PPP2R2C: variants seen among roughly 807,000 people sequenced by gnomAD.
PPP2R2C encodes the protein protein phosphatase 2 regulatory subunit Bgamma, also known as protein phosphatase 2, regulatory subunit B, gamma.
In PPP2R2C, 10 loss-of-function variants were observed where a neutral mutation model predicts 45.3. The ratio of observed to expected loss-of-function variants is 0.22; its 90% CI spans 0.14 to 0.37. The LOEUF (loss-of-function observed/expected upper bound fraction) is 0.37. Ranked by LOEUF, PPP2R2C falls within the 10% of genes least tolerant of loss-of-function variation. The pLI, the probability that PPP2R2C is intolerant of heterozygous loss-of-function variation, is 1.00. For synonymous variants in PPP2R2C, 257 were observed against 245.4 expected, an observed-to-expected ratio of 1.05 and a Z score of -0.44; for missense variants, 308 against 619.7, an observed-to-expected ratio of 0.50 and a Z score of 5.34.
rs142061476 is a variant in PPP2R2C at position 6,503,922 on chromosome 4, CA to C, written c.49+31348del. Among the ~76,000 whole-genome samples the C allele has an allele frequency of 6.4e-3, 970 of 152,238 alleles. 6 individuals are homozygous for C. Among genetic ancestry groups the C allele is most frequent in the Non-Finnish European group, 0.011 (720 of 68,016 alleles). On this transcript the variant is annotated intron_variant, in intron 2 of 9. Coordinates refer to the PPP2R2C transcript ENST00000506140. ...CTCTGGACAAAATATAAAAAGTAACCACCTAAGGCACCTAAGGGCAATCAAA... is the reference window on the plus strand; with the variant it reads ...CTCTGGACAAAATATAAAAAGTAACCCCTAAGGCACCTAAGGGCAATCAAA...
intron 1 of PPP2R2C, among the ~76,000 whole-genome samples, chr4:6,448,355 G>A (rs941939967): frequency 1.3e-5 from 2 of 152,090 alleles, no homozygotes; most frequent in Admixed American, 6.5e-5. Flanking sequence ...GAGGTCACAC[G>A]GAGAGGGGTA....
At chr4:6,506,700 C>A (rs1436086720) in intron 2 of PPP2R2C, among the ~76,000 whole-genome samples, 3 of 152,222 alleles carry the variant, frequency 2.0e-5, no homozygotes, top group Non-Finnish European at 4.4e-5. Flanking sequence ...AGTGGTTGGG[C>A]AGACTGACTG....
chr4:6,399,433 T>C (rs560434335), intron 1 of PPP2R2C, among the ~76,000 whole-genome samples: 28 of 152,350 alleles, frequency 1.8e-4, no homozygotes, highest in African/African-American at 6.7e-4. Context: ...TTGGTGCATT[T>C]TTCATCAACT....
At chr4:6,354,885 T>C (rs1024721416) in intron 5 of PPP2R2C, among the ~76,000 whole-genome samples, 3 of 151,814 alleles carry the variant, frequency 2.0e-5, no homozygotes, top group Non-Finnish European at 4.4e-5. Flanking sequence ...ACGGAGGAGG[T>C]GTCCAATCAA....
At chr4:6,543,363 A>G (rs761998600) in intron 1 of PPP2R2C, among the ~76,000 whole-genome samples, 12 of 152,066 alleles carry the variant, frequency 7.9e-5, no homozygotes, top group Non-Finnish European at 1.6e-4. Flanking sequence ...TCTGCCTCCT[A>G]TGGGCCAACC....
Position 6,339,951 on chromosome 4 carries a change from C to T in PPP2R2C, c.791-6220G>A, listed in dbSNP as rs570900266. ...TGGGGGTTATGGATCCCCGAGCACC[C>T]CTGGACACTGGCTTGCTCCTGGGTT... is the stretch of plus-strand genomic sequence containing the variant. On this transcript the variant is annotated intron_variant, in intron 6 of 8. Transcript: ENST00000382599. Among the ~76,000 whole-genome samples, 27 of 152,282 alleles carry T rather than the reference C, an allele frequency of 1.8e-4. No individual in the cohort carries two copies. The East Asian group carries it at 3.7e-3, about 21-fold the overall frequency.
chr4:6,407,865 A>T (rs1210032989), intron 1 of PPP2R2C, among the ~76,000 whole-genome samples: 1 of 152,258 alleles, frequency 6.6e-6, no homozygotes, highest in Non-Finnish European at 1.5e-5. Context: ...ACCACCAGCC[A>T]TGGGTGGCTA....
At chr4:6,440,152 G>A (rs577566655) in intron 1 of PPP2R2C, among the ~76,000 whole-genome samples, 1 of 152,052 alleles carries the variant, frequency 6.6e-6, no homozygotes, top group African/African-American at 2.4e-5. Flanking sequence ...CCTTCACATG[G>A]GTATGACCAT....
chr4:6,410,804 C>T (rs1373155934), intron 1 of PPP2R2C, among the ~76,000 whole-genome samples: 2 of 152,126 alleles, frequency 1.3e-5, no homozygotes, highest in Non-Finnish European at 2.9e-5. Flanking sequence ...TAGATCTTCA[C>T]AACAGCCCTA....
intron 1 of PPP2R2C, among the ~76,000 whole-genome samples, chr4:6,559,395 GCACA>G (rs58400617): frequency 0.064 from 9,310 of 144,772 alleles, 380 homozygotes; most frequent in East Asian, 0.22. Context: ...AAAATACACA[GCACA>G]CACACACACA....
chr4:6,327,943 C>G (rs531455312), intron 8 of PPP2R2C, among the ~76,000 whole-genome samples: 1 of 152,068 alleles, frequency 6.6e-6, no homozygotes, highest in African/African-American at 2.4e-5. Context: ...TTCCAGGGGG[C>G]TCCCTCCTGG....
intron 1 of PPP2R2C, among the ~76,000 whole-genome samples, chr4:6,388,142 C>T (rs1226770039): frequency 6.6e-6 from 1 of 152,188 alleles, no homozygotes; most frequent in East Asian, 1.9e-4. Flanking sequence ...GTCCTTCCCC[C>T]CCTGAGGTGC....
At chr4:6,537,622 C>T (rs1474042123) in intron 1 of PPP2R2C, among the ~76,000 whole-genome samples, 1 of 149,144 alleles carries the variant, frequency 6.7e-6, no homozygotes, top group Non-Finnish European at 1.5e-5. Flanking sequence ...GCCATCTCGG[C>T]TCACTGTAAG....
At position 6,331,274 on chromosome 4, in the gene PPP2R2C, A is replaced by G. The variant is rs1732396775; in HGVS notation, c.961-1921T>C. On this transcript the variant is annotated intron_variant, in intron 7 of 8. Transcript: ENST00000382599. This position sits in a 1 kb window ranked among gnomAD's most constrained non-coding sequence, Gnocchi z 5.9. ...GCTCTGGAGAAAGACTGTCAATCTA[A>G]GGTCCGCTGCTTGCTGGCTCTGTCA... Among the ~76,000 whole-genome samples the G allele has an allele frequency of 6.6e-6, 1 of 152,138 alleles. No individual in the cohort carries two copies. The highest frequency in any genetic ancestry group is 1.5e-5 in the Non-Finnish European group (1 of 68,022).
rs569821607 is a variant in PPP2R2C, at chr4:6,324,385, C to T, written c.1053-792G>A. ...AGGCAAGGTTGTAGTGAGCCAAGAT[C>T]GCGCCACTGCACTCCAGCCTGGGCA... On this transcript the variant is annotated intron_variant, in intron 8 of 8. Coordinates refer to ENST00000382599, the MANE Select transcript of PPP2R2C (RefSeq NM_020416.4). The surrounding 1 kb of genome is among the most constrained non-coding windows in gnomAD (Gnocchi z 4.1). Among the ~76,000 whole-genome samples the T allele has an allele frequency of 3.9e-5, 6 of 152,126 alleles. No individual in the cohort carries two copies. In the South Asian group the frequency reaches 1.2e-3, roughly 32 times the overall value.
intron 2 of PPP2R2C, among the ~76,000 whole-genome samples, chr4:6,485,623 C>A (rs1722505370): frequency 6.6e-6 from 1 of 151,798 alleles, no homozygotes; most frequent in Admixed American, 6.6e-5. Flanking sequence ...AGGAATTTAA[C>A]CATTCCCTCT....
chr4:6,368,206 CG>C lies in PPP2R2C; in HGVS notation c.625+4316del, dbSNP rs1250985080. 6.6e-6 allele frequency among the ~76,000 whole-genome samples: 1 copy of C among 152,190 alleles called. No individual in the cohort carries two copies. The highest frequency in any genetic ancestry group is 6.5e-5 in the Admixed American group (1 of 15,280). On this transcript the variant is annotated intron_variant, in intron 5 of 8. Transcript: ENST00000382599. This position sits in a 1 kb window ranked among gnomAD's most constrained non-coding sequence, Gnocchi z 4.2. ...ACTCTCTTGCACACACCATCAGCTC[CG>C]TGTCTACATCCTCACTTGGCAAAAA...
intron 1 of PPP2R2C, among the ~76,000 whole-genome samples, chr4:6,548,304 G>C (rs1027773473): frequency 3.3e-5 from 5 of 152,146 alleles, no homozygotes; most frequent in African/African-American, 1.2e-4. Context: ...GCCTCTCTGA[G>C]CCTCCCGGTC....
At chr4:6,527,003 G>A (rs1057152020) in intron 2 of PPP2R2C, among the ~76,000 whole-genome samples, 1 of 152,178 alleles carries the variant, frequency 6.6e-6, no homozygotes, top group Admixed American at 6.5e-5. Flanking sequence ...CAAAGAGTGG[G>A]AGACGCCAAC....
Sources: gnomAD v4.1 joint callset for allele counts (sites outside exome capture counted in the v4.1 genomes callset) on GRCh38, gnomAD v4.1.1 for gene constraint, Gnocchi (gnomAD v3.1) non-coding constraint, MANE v1.5 for transcripts, NCBI Gene and HGNC (gene_info 2026-07-23, HGNC 2026-07-21) for gene names.